Variants in ACOXL observed in about 807,000 individuals in gnomAD.
ACOXL encodes the protein acyl-coenzyme A oxidase-like protein.
Under a neutral mutation model 71.9 loss-of-function variants are expected in ACOXL, and 70 were observed. The ratio of observed to expected loss-of-function variants is 0.97; its 90% confidence interval spans 0.80 to 1.19. The LOEUF (loss-of-function observed/expected upper bound fraction) is 1.19. Ranked by LOEUF, ACOXL falls within the 50% of genes most tolerant of loss-of-function variation. ACOXL has a pLI of 0.00. For missense variants in ACOXL, 703 were observed against 736.3 expected, an observed-to-expected ratio of 0.95 and a Z score of 0.52; for synonymous variants, 253 against 281.6, an observed-to-expected ratio of 0.90 and a Z score of 1.02.
intron 15 of ACOXL, chr2:111,036,789 TCACA>T (rs2065538704): frequency 6.6e-6 from 1 of 152,056 alleles, no homozygotes; most frequent in Non-Finnish European, 1.5e-5. Context: ...CTGACTATAC[TCACA>T]CACAAAATTG....
intron 12 of ACOXL, among the ~76,000 whole-genome samples, chr2:110,947,898 G>A (rs139945128): frequency 0.022 from 3,367 of 152,320 alleles, 61 homozygotes; most frequent in Non-Finnish European, 0.03. Flanking sequence ...ACCTGAGCCC[G>A]GATGCCCATG....
chr2:110,837,371 G>A (rs1253516591), intron 9 of ACOXL, among the ~76,000 whole-genome samples: 1 of 152,158 alleles, frequency 6.6e-6, no homozygotes, highest in East Asian at 1.9e-4. Context: ...AGTAGCAATC[G>A]TGAACATGTA....
intron 9 of ACOXL, among the ~76,000 whole-genome samples, chr2:110,806,613 C>T (rs574769392): frequency 9.2e-5 from 14 of 152,350 alleles, no homozygotes; most frequent in Non-Finnish European, 1.6e-4. Context: ...GGTTAAACAT[C>T]GGATGCAGGG....
In ACOXL at chr2:111,093,622, T is replaced by C. The variant is rs113215432; in HGVS notation, c.1542+656T>C. The stretch of plus-strand genomic sequence containing the variant: ...GCTCATGCCTGTAATCCCAGCACTA[T>C]GGGAGGCTGAGGCGGGCAGATCTCC... On this transcript the variant is annotated intron_variant, in intron 17 of 17. Transcript: ENST00000439055. The C allele has an allele frequency of 1.4e-3, 1,964 of 1,386,986 alleles. 15 individuals are homozygous for C. The African/African-American group carries it at 0.023, about 16-fold the overall frequency. 85.9% of individuals were successfully genotyped at this position (1,386,986 alleles called of 1,614,324 possible). A position where few individuals can be genotyped will look rare whatever the true frequency, so the allele number is the denominator to read the frequency against.
At chr2:110,974,890 G>A (rs1574346845) in intron 12 of ACOXL, among the ~76,000 whole-genome samples, 2 of 152,206 alleles carry the variant, frequency 1.3e-5, no homozygotes, top group African/African-American at 2.4e-5. Context: ...CCAAGAGAAC[G>A]AAACCCCTTT....
At chr2:110,997,397 A>G (rs1574431227) in intron 14 of ACOXL, among the ~76,000 whole-genome samples, 1 of 152,212 alleles carries the variant, frequency 6.6e-6, no homozygotes, top group Admixed American at 6.5e-5. Flanking sequence ...AATAAAGAGA[A>G]CAGAATGTGA....
chr2:110,993,010 A>G (rs2063241887), intron 13 of ACOXL, among the ~76,000 whole-genome samples: 1 of 152,230 alleles, frequency 6.6e-6, no homozygotes, highest in South Asian at 2.1e-4. Context: ...TATCATATCT[A>G]TGGATCTGTG....
chr2:111,055,595 AG>A (rs998036749), intron 16 of ACOXL, among the ~76,000 whole-genome samples: 1 of 152,226 alleles, frequency 6.6e-6, no homozygotes, highest in African/African-American at 2.4e-5. Flanking sequence ...GGAGGCACTC[AG>A]GGGCTGCCCG....
At chr2:110,901,428 C>A (rs2059226981) in intron 10 of ACOXL, among the ~76,000 whole-genome samples, 1 of 152,138 alleles carries the variant, frequency 6.6e-6, no homozygotes, top group Admixed American at 6.5e-5. Context: ...TCATTGAACT[C>A]TTCACCACCA....
At chr2:110,897,910 ATAT>A (rs1278267255) in intron 10 of ACOXL, among the ~76,000 whole-genome samples, 1 of 152,170 alleles carries the variant, frequency 6.6e-6, no homozygotes. Context: ...GATACAGGGG[ATAT>A]TATTGTAGAC....
intron 10 of ACOXL, among the ~76,000 whole-genome samples, chr2:110,875,543 G>T (rs771927732): frequency 3.9e-5 from 6 of 152,330 alleles, no homozygotes; most frequent in South Asian, 2.1e-4. Flanking sequence ...GGCTGTGAGT[G>T]TGTGGTCCTG....
At chr2:110,861,917 G>A (rs938815600) in intron 10 of ACOXL, among the ~76,000 whole-genome samples, 8 of 152,168 alleles carry the variant, frequency 5.3e-5, no homozygotes, top group African/African-American at 1.2e-4. Flanking sequence ...ATGTAGTGTC[G>A]TGAGACTGGG....
intron 16 of ACOXL, among the ~76,000 whole-genome samples, chr2:111,059,585 C>A (rs1419476771): frequency 6.6e-6 from 1 of 152,112 alleles, no homozygotes; most frequent in Non-Finnish European, 1.5e-5. Context: ...AAACACTGGA[C>A]ATTACGTTTA....
At chr2:110,835,244 TTTTCTTTAA>T (rs1282688531) in intron 9 of ACOXL, among the ~76,000 whole-genome samples, 3 of 152,192 alleles carry the variant, frequency 2.0e-5, no homozygotes, top group African/African-American at 4.8e-5. Flanking sequence ...AAGTGTGGCT[TTTTCTTTAA>T]TTTCTTTAGG....
intron 11 of ACOXL, among the ~76,000 whole-genome samples, chr2:110,919,857 C>T (rs921398938): frequency 6.6e-6 from 1 of 152,186 alleles, no homozygotes; most frequent in African/African-American, 2.4e-5. Context: ...AAATGAATTT[C>T]AGATTCATCC....
At chr2:111,073,199 T>C (rs1052704735) in intron 16 of ACOXL, among the ~76,000 whole-genome samples, 4 of 152,248 alleles carry the variant, frequency 2.6e-5, no homozygotes, top group Non-Finnish European at 5.9e-5. Context: ...TCTCCCATTG[T>C]ATAGTATGTA....
chr2:111,080,380 A>C (rs1014627325), intron 16 of ACOXL, among the ~76,000 whole-genome samples: 9 of 152,148 alleles, frequency 5.9e-5, no homozygotes, highest in Admixed American at 1.3e-4. Flanking sequence ...CCCTCTAACC[A>C]CTGCTTTAGC....
chr2:110,949,574 C>T (rs2061247355), intron 12 of ACOXL, among the ~76,000 whole-genome samples: 2 of 152,152 alleles, frequency 1.3e-5, no homozygotes, highest in Non-Finnish European at 2.9e-5. Context: ...CGATAAAAAT[C>T]ACCTTGTGAT....
At chr2:111,066,217 C>T (rs778860088) in intron 16 of ACOXL, among the ~76,000 whole-genome samples, 6 of 152,122 alleles carry the variant, frequency 3.9e-5, no homozygotes, top group African/African-American at 7.2e-5. Context: ...AAAGAATGCA[C>T]TATTGATACA....
Sources: gnomAD v4.1 joint callset for allele counts (sites outside exome capture counted in the v4.1 genomes callset) on GRCh38, gnomAD v4.1.1 for gene constraint, MANE v1.5 for transcripts, NCBI Gene and HGNC (gene_info 2026-07-23, HGNC 2026-07-21) for gene names.